CALN1: variants seen among roughly 807,000 people sequenced by gnomAD.
The protein encoded by CALN1 is calneuron 1, also known as calcium-binding protein 8.
In CALN1, 17 loss-of-function variants were observed where a neutral mutation model predicts 30.6. The ratio of observed to expected loss-of-function variants is 0.56; its 90% CI spans 0.38 to 0.83. The LOEUF (loss-of-function observed/expected upper bound fraction) is 0.83. Among genes scored for constraint, CALN1 ranks in the 40% least tolerant of loss-of-function variants. CALN1 has a pLI of 0.00. For missense variants in CALN1, 291 were observed against 354.9 expected (o/e 0.82, Z 1.45); for synonymous variants, 156 against 131.4 (o/e 1.19, Z -1.28).
At chr7:71,930,633 T>C (rs993171566) in intron 5 of CALN1, among the ~76,000 whole-genome samples, 4 of 152,248 alleles carry the variant, frequency 2.6e-5, no homozygotes, top group African/African-American at 9.6e-5. Flanking sequence ...CATTTGCTCC[T>C]ATATTTACTT....
intron 3 of CALN1, among the ~76,000 whole-genome samples, chr7:72,274,353 C>T (rs1376875034): frequency 6.6e-6 from 1 of 151,888 alleles, no homozygotes; most frequent in African/African-American, 2.4e-5. Flanking sequence ...ACTGAAAACA[C>T]AAAAATTAGT....
At chr7:71,996,408 G>T (rs1799254759) in intron 5 of CALN1, among the ~76,000 whole-genome samples, 1 of 152,188 alleles carries the variant, frequency 6.6e-6, no homozygotes, top group South Asian at 2.1e-4. Flanking sequence ...TCATGCCCCA[G>T]TGAGTGTTGT....
chr7:72,378,495 T>G (rs915181424), intron 2 of CALN1, among the ~76,000 whole-genome samples: 6 of 152,184 alleles, frequency 3.9e-5, no homozygotes, highest in African/African-American at 1.4e-4. Context: ...AACACAGAAT[T>G]TTAGAGTTCC....
At chr7:72,256,046 G>A (rs1451241084) in intron 3 of CALN1, among the ~76,000 whole-genome samples, 1 of 152,196 alleles carries the variant, frequency 6.6e-6, no homozygotes, top group African/African-American at 2.4e-5. Flanking sequence ...TATTCTTTAA[G>A]GAGAGATATA....
chr7:72,490,975 T>A, the CALN1 span, among the ~76,000 whole-genome samples: 2 of 152,204 alleles, frequency 1.3e-5, no homozygotes, highest in South Asian at 4.1e-4. Context: ...CCGGGCGCGG[T>A]GGCTCACGCC....
At chr7:72,106,685 A>G (rs905754874) in intron 3 of CALN1, among the ~76,000 whole-genome samples, 5 of 92,052 alleles carry the variant, frequency 5.4e-5, no homozygotes, top group African/African-American at 2.1e-4. Flanking sequence ...AGGAAGGAAG[A>G]AAGCAAGGGA....
At chr7:72,078,422 C>T (rs760072367) in intron 4 of CALN1, among the ~76,000 whole-genome samples, 34 of 152,102 alleles carry the variant, frequency 2.2e-4, no homozygotes, top group Non-Finnish European at 4.1e-4. Context: ...CTCAGAGACT[C>T]GCAAGCTGTC....
At chr7:72,266,012 C>T (rs571848627) in intron 3 of CALN1, among the ~76,000 whole-genome samples, 27 of 151,812 alleles carry the variant, frequency 1.8e-4, no homozygotes, top group East Asian at 3.9e-4. Context: ...TGTAATGGCA[C>T]GCACCTGTGC....
At chr7:72,294,664 G>T (rs752753536) in intron 2 of CALN1, among the ~76,000 whole-genome samples, 1 of 151,800 alleles carries the variant, frequency 6.6e-6, no homozygotes, top group Non-Finnish European at 1.5e-5. Context: ...TGGGAGGATC[G>T]TTTGAGCCCA....
intron 2 of CALN1, chr7:72,336,719 G>C (rs1373371385): frequency 4.1e-6 from 4 of 985,360 alleles, no homozygotes; most frequent in African/African-American, 1.7e-5. Flanking sequence ...GCTGGGCCGG[G>C]GCTCCGCAGC....
chr7:72,203,992 T>A (rs894820944), intron 3 of CALN1, among the ~76,000 whole-genome samples: 18 of 120,428 alleles, frequency 1.5e-4, no homozygotes, highest in African/African-American at 5.7e-4. Flanking sequence ...TTTTTTTTTT[T>A]TTTTTTTTTT....
At chr7:72,022,314 TAC>T (rs1256787796) in intron 5 of CALN1, among the ~76,000 whole-genome samples, 1 of 152,230 alleles carries the variant, frequency 6.6e-6, no homozygotes, top group Non-Finnish European at 1.5e-5. Context: ...TTCAAGGAGT[TAC>T]AGTCTAGTGA....
At chr7:72,406,037 AG>A (rs1173845660) in intron 1 of CALN1, among the ~76,000 whole-genome samples, 1 of 152,228 alleles carries the variant, frequency 6.6e-6, no homozygotes, top group Admixed American at 6.5e-5. Context: ...GCTCCCCGTA[AG>A]GAACAATCGC....
intron 5 of CALN1, among the ~76,000 whole-genome samples, chr7:71,953,656 TAA>T (rs1554395054): frequency 6.6e-6 from 1 of 152,168 alleles, no homozygotes; most frequent in Non-Finnish European, 1.5e-5. Context: ...TAATTGTTGA[TAA>T]AGTTTCCTGA....
intron 5 of CALN1, among the ~76,000 whole-genome samples, chr7:71,836,658 G>A (rs370608083): frequency 2.1e-5 from 3 of 139,866 alleles, no homozygotes; most frequent in Non-Finnish European, 4.5e-5. Flanking sequence ...GAGTTCTGTC[G>A]CCCAGGCTGG....
chr7:72,015,433 C>CTTT (rs60001547), intron 5 of CALN1, among the ~76,000 whole-genome samples: 3 of 136,146 alleles, frequency 2.2e-5, no homozygotes, highest in African/African-American at 5.9e-5. Flanking sequence ...TTCTTTCTTT[C>CTTT]TTTTTTTTTT....
intron 3 of CALN1, among the ~76,000 whole-genome samples, chr7:72,221,769 A>G (rs1239081427): frequency 6.6e-6 from 1 of 151,678 alleles, no homozygotes; most frequent in Admixed American, 6.6e-5. Flanking sequence ...ATGTGCCTGT[A>G]ATCCCAGCAA....
intron 5 of CALN1, among the ~76,000 whole-genome samples, chr7:71,964,660 C>CA (rs372547985): frequency 1.0e-3 from 153 of 148,436 alleles, no homozygotes; most frequent in Middle Eastern, 3.4e-3. Flanking sequence ...GACTCTGTCT[C>CA]AAAAAAAAAC....
chr7:71,980,745 A>T (rs1474885526), intron 5 of CALN1, among the ~76,000 whole-genome samples: 1 of 152,152 alleles, frequency 6.6e-6, no homozygotes, highest in Non-Finnish European at 1.5e-5. Context: ...CCCAAATGTA[A>T]TGCAGAAAAT....
Sources: gnomAD v4.1 joint callset for allele counts (sites outside exome capture counted in the v4.1 genomes callset) on GRCh38, gnomAD v4.1.1 for gene constraint, MANE v1.5 for transcripts, NCBI Gene and HGNC (gene_info 2026-07-23, HGNC 2026-07-21) for gene names.